BMP5: variants seen among roughly 807,000 people sequenced by gnomAD.
BMP5 encodes bone morphogenetic protein 5.
BMP5 carries 23 observed loss-of-function variants against 46.6 expected under a neutral mutation model. That is an observed-to-expected ratio of 0.49 (90% CI 0.35 to 0.70). The LOEUF (loss-of-function observed/expected upper bound fraction) is 0.70. Ranked by LOEUF, BMP5 falls within the 30% of genes least tolerant of loss-of-function variation. BMP5 has a pLI of 0.00. For synonymous variants in BMP5, 204 were observed against 191.9 expected, an observed-to-expected ratio of 1.06 and a Z score of -0.52; for missense variants, 545 against 565.6, an observed-to-expected ratio of 0.96 and a Z score of 0.37.
Position 55,874,598 on chromosome 6 carries a change from T to C in BMP5, c.268A>G (p.Asn90Asp), listed in dbSNP as rs766771437. 9 of 1,613,452 alleles carry C rather than the reference T, an allele frequency of 5.6e-6. No individual in the cohort carries two copies. The highest frequency in any genetic ancestry group is 3.3e-5 in the South Asian group (3 of 91,074). ...TCCGACTCTTCAGGATTTTCTTCAT[T>C]GGTCATGGCATTGTAGAGATCCAGC... The part of the protein sequence containing the change: ...FMLDLYNAMT[N>D]EENPEESEYS... The change falls in exon 1 of 7, where the codon AAT (asparagine) becomes GAT (aspartate). Residue 90 changes from asparagine to aspartate, a missense_variant. Coordinates refer to ENST00000370830, the MANE Select transcript of BMP5 (RefSeq NM_021073.4).
chr6:55,808,216 G>A (rs1021485514), intron 2 of BMP5, among the ~76,000 whole-genome samples: 1 of 152,174 alleles, frequency 6.6e-6, no homozygotes, highest in African/African-American at 2.4e-5. Flanking sequence ...CCTGCCCAGT[G>A]AGGAGGGATG....
intron 1 of BMP5, among the ~76,000 whole-genome samples, chr6:55,870,185 G>A (rs1278273342): frequency 6.9e-6 from 1 of 145,614 alleles, no homozygotes; most frequent in East Asian, 2.0e-4. Context: ...ATATTTGTGA[G>A]TAACCACTAC....
At chr6:55,826,500 T>C (rs1319430900) in intron 1 of BMP5, among the ~76,000 whole-genome samples, 1 of 151,546 alleles carries the variant, frequency 6.6e-6, no homozygotes, top group Non-Finnish European at 1.5e-5. Flanking sequence ...ACTTTAAAAA[T>C]ATAATAGTTT....
At chr6:55,755,720 A>G (rs770043176) in intron 6 of BMP5, 38 bp from the exon 7 acceptor site, 113 of 1,576,984 alleles carry the variant, frequency 7.2e-5, no homozygotes, top group Non-Finnish European at 8.6e-5. Flanking sequence ...TTAAGAAATA[A>G]AATATACATT....
At chr6:55,819,523 A>G (rs986466209) in intron 2 of BMP5, 132 bp downstream of exon 2, 1 of 753,070 alleles carries the variant, frequency 1.3e-6, no homozygotes, top group Admixed American at 2.3e-5. Flanking sequence ...CAATATCTCT[A>G]CCTGGCTCTA....
chr6:55,828,359 G>A (rs900134674), intron 1 of BMP5, among the ~76,000 whole-genome samples: 1 of 151,882 alleles, frequency 6.6e-6, no homozygotes, highest in Admixed American at 6.6e-5. Context: ...GACACTAAAA[G>A]GTCAGAAGTC....
chr6:55,808,724 GC>G (rs1211767177), intron 2 of BMP5, among the ~76,000 whole-genome samples: 2 of 152,132 alleles, frequency 1.3e-5, no homozygotes, highest in Admixed American at 1.3e-4. Context: ...TGGCCCCTCT[GC>G]CCCATGAGGC....
chr6:55,813,199 G>T (rs928943328), intron 2 of BMP5, among the ~76,000 whole-genome samples: 1 of 152,022 alleles, frequency 6.6e-6, no homozygotes, highest in Non-Finnish European at 1.5e-5. Flanking sequence ...ATGCTATTTT[G>T]TAAAGATGTG....
intron 4 of BMP5, among the ~76,000 whole-genome samples, chr6:55,773,555 T>C (rs931233420): frequency 1.3e-4 from 18 of 138,774 alleles, no homozygotes; most frequent in Non-Finnish European, 2.5e-4. Flanking sequence ...AATTAGATAA[T>C]AGTCCTCCAA....
intron 4 of BMP5, among the ~76,000 whole-genome samples, chr6:55,769,695 A>G (rs1271873980): frequency 1.3e-5 from 2 of 151,938 alleles, no homozygotes; most frequent in Admixed American, 1.3e-4. Context: ...GGGAATCACT[A>G]TTTATGGAAG....
At chr6:55,822,566 A>G (rs1450500109) in intron 1 of BMP5, among the ~76,000 whole-genome samples, 1 of 152,152 alleles carries the variant, frequency 6.6e-6, no homozygotes, top group Non-Finnish European at 1.5e-5. Flanking sequence ...TTTTTCATTA[A>G]TATTAAATTG....
At chr6:55,780,105 C>A (rs1004719098) in intron 3 of BMP5, among the ~76,000 whole-genome samples, 10 of 151,394 alleles carry the variant, frequency 6.6e-5, no homozygotes, top group African/African-American at 2.2e-4. Flanking sequence ...GCCACTTTGC[C>A]AGTATTATAT....
intron 1 of BMP5, among the ~76,000 whole-genome samples, chr6:55,826,039 C>G (rs1776523869): frequency 2.0e-5 from 3 of 151,826 alleles, no homozygotes; most frequent in African/African-American, 7.2e-5. Context: ...GCATCACTTT[C>G]CAAGATATCC....
At chr6:55,790,643 G>A (rs545343617) in intron 3 of BMP5, among the ~76,000 whole-genome samples, 7 of 152,108 alleles carry the variant, frequency 4.6e-5, no homozygotes, top group South Asian at 4.2e-4. Flanking sequence ...AATATACCAC[G>A]CCATTTTGAC....
At chr6:55,870,068 A>T (rs1335620701) in intron 1 of BMP5, among the ~76,000 whole-genome samples, 1 of 152,038 alleles carries the variant, frequency 6.6e-6, no homozygotes, top group African/African-American at 2.4e-5. Flanking sequence ...GAGAGTGGTG[A>T]TATTACAGAA....
At chr6:55,774,337 GTTTT>G in intron 3 of BMP5, 94 bp from the exon 4 acceptor site, 1 of 1,209,458 alleles carries the variant, frequency 8.3e-7, no homozygotes, top group Non-Finnish European at 1.2e-6. Context: ...AAGGGGAAAA[GTTTT>G]AAAACATTAT....
intron 1 of BMP5, among the ~76,000 whole-genome samples, chr6:55,824,370 T>A (rs1776480992): frequency 6.6e-6 from 1 of 151,966 alleles, no homozygotes; most frequent in African/African-American, 2.4e-5. Flanking sequence ...ATATTTTACA[T>A]CAACCAAATA....
At chr6:55,772,318 G>A (rs955289449) in intron 4 of BMP5, among the ~76,000 whole-genome samples, 3 of 151,828 alleles carry the variant, frequency 2.0e-5, no homozygotes, top group African/African-American at 7.2e-5. Flanking sequence ...TAACCAATAG[G>A]GAAAAGGACT....
chr6:55,847,510 C>T (rs1185388290), intron 1 of BMP5, among the ~76,000 whole-genome samples: 2 of 151,772 alleles, frequency 1.3e-5, no homozygotes, highest in African/African-American at 2.4e-5. Context: ...ATTGCATTAC[C>T]GTTAGTCGTA....
Sources: gnomAD v4.1 joint callset for allele counts (sites outside exome capture counted in the v4.1 genomes callset) on GRCh38, gnomAD v4.1.1 for gene constraint, MANE v1.5 for transcripts, NCBI Gene and HGNC (gene_info 2026-07-23, HGNC 2026-07-21) for gene names.